The following PEX5L variants were observed in gnomAD, a reference collection of about 807,000 sequenced individuals.
PEX5L encodes the protein PEX5-related protein.
A neutral mutation model predicts 84.0 loss-of-function variants in PEX5L; 30 were observed. That is an observed-to-expected ratio of 0.36 (90% CI 0.27 to 0.48). The LOEUF (loss-of-function observed/expected upper bound fraction) is 0.48, where lower values mean the gene tolerates loss of function less well. Among genes scored for constraint, PEX5L ranks in the 20% least tolerant of loss-of-function variants. The probability of loss-of-function intolerance (pLI) is 0.99; values close to 1 mark genes in which losing one functional copy is unlikely to be tolerated. For missense variants in PEX5L, 533 were observed against 754.6 expected (o/e 0.71, Z 3.44); for synonymous variants, 270 against 283.1 (o/e 0.95, Z 0.46).
chr3:179,883,564 A>C (rs1754821422), intron 4 of PEX5L, among the ~76,000 whole-genome samples: 1 of 152,198 alleles, frequency 6.6e-6, no homozygotes, highest in Non-Finnish European at 1.5e-5. Flanking sequence ...CAGGCGGATC[A>C]CCTGAGGTCG....
chr3:179,927,496 G>A (rs1382877564), intron 2 of PEX5L, among the ~76,000 whole-genome samples: 1 of 152,176 alleles, frequency 6.6e-6, no homozygotes, highest in Non-Finnish European at 1.5e-5. Flanking sequence ...ACTGTGAACT[G>A]TTTGCTACCT....
intron 1 of PEX5L, chr3:179,973,962 T>C: frequency 1.0e-5 from 10 of 985,450 alleles, no homozygotes; most frequent in Non-Finnish European, 1.2e-5. Flanking sequence ...GTTCACCCCA[T>C]AACCCCGGGG....
chr3:179,862,912 G>A (rs77033354), intron 7 of PEX5L, among the ~76,000 whole-genome samples: 4,192 of 152,130 alleles, frequency 0.028, 186 homozygotes, highest in African/African-American at 0.097. Context: ...AACATTGGAG[G>A]GATAACACTA....
chr3:179,909,769 T>G (rs1200951756), intron 2 of PEX5L, among the ~76,000 whole-genome samples: 1 of 152,028 alleles, frequency 6.6e-6, no homozygotes, highest in Non-Finnish European at 1.5e-5. Context: ...GGTATTCTTA[T>G]AAGAAAAGGA....
At chr3:179,896,937 A>G (rs565211756) in intron 3 of PEX5L, among the ~76,000 whole-genome samples, 1 of 152,236 alleles carries the variant, frequency 6.6e-6, no homozygotes, top group African/African-American at 2.4e-5. Context: ...AATGATTACC[A>G]TGTGTTATTA....
chr3:179,818,349 C>T (rs1027168066), intron 9 of PEX5L, among the ~76,000 whole-genome samples: 3 of 151,886 alleles, frequency 2.0e-5, no homozygotes, highest in African/African-American at 7.3e-5. Flanking sequence ...TTGATACAGG[C>T]ATACAGGCAT....
chr3:179,980,160 T>C (rs1369822627), intron 1 of PEX5L, among the ~76,000 whole-genome samples: 1 of 152,220 alleles, frequency 6.6e-6, no homozygotes, highest in Non-Finnish European at 1.5e-5. Flanking sequence ...AATTTGCCTA[T>C]GAAATTTTGT....
At chr3:179,978,495 C>G (rs1017943497) in intron 1 of PEX5L, among the ~76,000 whole-genome samples, 7 of 152,112 alleles carry the variant, frequency 4.6e-5, no homozygotes, top group African/African-American at 1.7e-4. Context: ...ACCCTGTGTA[C>G]TCAACTACCT....
intron 2 of PEX5L, among the ~76,000 whole-genome samples, chr3:179,922,468 TGAA>T (rs1769833919): frequency 3.3e-5 from 5 of 149,992 alleles, no homozygotes; most frequent in East Asian, 2.0e-4. Flanking sequence ...TTTTTTTTTT[TGAA>T]GGAGTCTTGC....
At chr3:179,924,603 C>T (rs1578534482) in intron 2 of PEX5L, among the ~76,000 whole-genome samples, 2 of 152,154 alleles carry the variant, frequency 1.3e-5, no homozygotes, top group Non-Finnish European at 2.9e-5. Flanking sequence ...ATTTCACCTC[C>T]TAAATTGGCA....
At chr3:179,863,823 C>G (rs527476586) in intron 7 of PEX5L, among the ~76,000 whole-genome samples, 1 of 152,134 alleles carries the variant, frequency 6.6e-6, no homozygotes, top group Non-Finnish European at 1.5e-5. Flanking sequence ...AATTCCACTA[C>G]TGGGTATATA....
chr3:179,822,172 C>G (rs1728750305), intron 8 of PEX5L, among the ~76,000 whole-genome samples: 7 of 152,132 alleles, frequency 4.6e-5, no homozygotes, highest in Admixed American at 4.6e-4. Context: ...TCCCAGACTC[C>G]CATTGGGTGA....
intron 2 of PEX5L, among the ~76,000 whole-genome samples, chr3:179,913,238 G>A (rs1765803975): frequency 6.6e-6 from 1 of 152,062 alleles, no homozygotes; most frequent in Non-Finnish European, 1.5e-5. Flanking sequence ...TTCTCAGAAT[G>A]TTGCCACCAA....
chr3:179,926,910 C>A (rs569738325), intron 2 of PEX5L, among the ~76,000 whole-genome samples: 2 of 152,186 alleles, frequency 1.3e-5, no homozygotes, highest in African/African-American at 2.4e-5. Context: ...TGGGTAATGC[C>A]CCATTTTAGT....
At chr3:179,958,847 T>C (rs1781285799) in intron 2 of PEX5L, among the ~76,000 whole-genome samples, 1 of 152,090 alleles carries the variant, frequency 6.6e-6, no homozygotes, top group Non-Finnish European at 1.5e-5. Context: ...AAAATTGGAA[T>C]AACATAAACC....
chr3:179,980,087 C>T (rs932291568), intron 1 of PEX5L, among the ~76,000 whole-genome samples: 4 of 152,154 alleles, frequency 2.6e-5, no homozygotes, highest in African/African-American at 9.7e-5. Flanking sequence ...AATTTTCCCT[C>T]GATGTTTATA....
intron 2 of PEX5L, among the ~76,000 whole-genome samples, chr3:179,911,054 G>A (rs1423351255): frequency 2.0e-5 from 3 of 152,136 alleles, no homozygotes; most frequent in Non-Finnish European, 1.5e-5. Flanking sequence ...GTACAACCAG[G>A]TAGCGCACTC....
intron 1 of PEX5L, among the ~76,000 whole-genome samples, chr3:180,031,664 A>G (rs1459029290): frequency 6.6e-6 from 1 of 152,196 alleles, no homozygotes; most frequent in Non-Finnish European, 1.5e-5. Flanking sequence ...TAAATGTATC[A>G]AGAAGGTAAT....
chr3:179,802,532 CAAAAAAAAAAAAA>C (rs369244711), intron 14 of PEX5L, among the ~76,000 whole-genome samples: 1 of 73,890 alleles, frequency 1.4e-5, no homozygotes, highest in Non-Finnish European at 2.9e-5. Context: ...GAGACTGTCT[CAAAAAAAAAAAAA>C]AAAAAAAAAG....
Sources: allele counts gnomAD v4.1 joint callset (sites outside exome capture counted in the v4.1 genomes callset), GRCh38; gene constraint gnomAD v4.1.1; transcripts MANE v1.5; gene names NCBI Gene and HGNC (gene_info 2026-07-23, HGNC 2026-07-21).